The following TCF7L2 variants were observed in gnomAD, a reference collection of about 807,000 sequenced individuals.
TCF7L2 encodes transcription factor 7 like 2.
A neutral mutation model predicts 77.9 loss-of-function variants in TCF7L2; 23 were observed. The observed-to-expected ratio is 0.30, with a 90% CI of 0.21 to 0.42. TCF7L2 has a LOEUF of 0.42. Ranked by LOEUF, TCF7L2 falls within the 10% of genes least tolerant of loss-of-function variation. The probability of loss-of-function intolerance (pLI) is 1.00; values close to 1 mark genes in which losing one functional copy is unlikely to be tolerated. For missense variants in TCF7L2, 654 were observed against 793.1 expected, an observed-to-expected ratio of 0.82 and a Z score of 2.11; for synonymous variants, 413 against 340.2, an observed-to-expected ratio of 1.21 and a Z score of -2.36.
At chr10:113,015,414 A>ATCC (rs2047164666) in intron 4 of TCF7L2, among the ~76,000 whole-genome samples, 1 of 144,136 alleles carries the variant, frequency 6.9e-6, no homozygotes, top group East Asian at 2.1e-4. Context: ...GCCAGGTGTG[A>ATCC]TCCTCCTGCT....
chr10:112,995,237 T>G (rs2043253275), intron 4 of TCF7L2, among the ~76,000 whole-genome samples: 1 of 152,186 alleles, frequency 6.6e-6, no homozygotes, highest in Non-Finnish European at 1.5e-5. Context: ...GATGATTGAC[T>G]TGGGACTGGG....
In TCF7L2 at chr10:113,130,129, T is replaced by C. The variant is rs2066346739; in HGVS notation, c.553-11055T>C. 1.2e-5 allele frequency: 8 copies of C among 688,540 alleles called. No homozygotes were observed. In the South Asian group the frequency reaches 2.1e-4, roughly 18 times the overall value. 42.7% of individuals were successfully genotyped at this position (688,540 alleles called of 1,614,324 possible). A position where few individuals can be genotyped will look rare whatever the true frequency, so the allele number is the denominator to read the frequency against. On this transcript the variant is annotated intron_variant, in intron 5 of 13. Coordinates refer to ENST00000627217, the MANE Select transcript of TCF7L2 (RefSeq NM_001146274.2). ...AAGGAAAAAACAAAACAAGAATAAATGGTCAACTCAAGCTATGCCCTTTCT... is the reference window on the plus strand; with the variant it reads ...AAGGAAAAAACAAAACAAGAATAAACGGTCAACTCAAGCTATGCCCTTTCT...
Position 113,166,175 on chromosome 10 carries a change from GAGA to G in TCF7L2, c.*208_*210del. The G allele has an allele frequency of 4.4e-6, 2 of 456,774 alleles. No homozygotes were observed. The highest frequency in any genetic ancestry group is 7.1e-6 in the Non-Finnish European group (2 of 279,982). 28.3% of individuals were successfully genotyped at this position (456,774 alleles called of 1,614,324 possible). ...TTTCTCCTTTTAAATATGTAGATGA[GAGA>G]AGAACCTCATGATTCTACCAAAATT... On this transcript the variant is annotated 3_prime_UTR_variant, in exon 14 of 14. Transcript: ENST00000627217.
intron 5 of TCF7L2, chr10:113,129,483 G>C: frequency 9.8e-7 from 1 of 1,018,918 alleles, no homozygotes; most frequent in Non-Finnish European, 1.2e-6. Flanking sequence ...AAAGTAGAAG[G>C]AGTTTTTAAA....
At chr10:112,999,575 T>C (rs1323753374) in intron 4 of TCF7L2, among the ~76,000 whole-genome samples, 1 of 152,230 alleles carries the variant, frequency 6.6e-6, no homozygotes, top group Non-Finnish European at 1.5e-5. Context: ...CACAGGTTGA[T>C]AGCGTTGCTG....
At chr10:112,998,608 G>A (rs573166875) in intron 4 of TCF7L2, among the ~76,000 whole-genome samples, 2 of 152,102 alleles carry the variant, frequency 1.3e-5, no homozygotes, top group African/African-American at 2.4e-5. Context: ...TTTAATTGCC[G>A]TATGAGGCAC....
At chr10:112,953,250 T>C (rs759757571) in intron 3 of TCF7L2, among the ~76,000 whole-genome samples, 4 of 151,410 alleles carry the variant, frequency 2.6e-5, no homozygotes, top group East Asian at 1.9e-4. Context: ...AAATAATTAT[T>C]CCCCCCCTGC....
chr10:113,143,804 C>T, intron 6 of TCF7L2, 119 bp from the exon 7 acceptor site: 1 of 678,874 alleles, frequency 1.5e-6, no homozygotes, highest in Non-Finnish European at 2.5e-6. Flanking sequence ...ATGAATGAAC[C>T]TTGTGCTAGG....
chr10:112,954,434 G>T (rs2032946954), intron 3 of TCF7L2, among the ~76,000 whole-genome samples: 1 of 152,106 alleles, frequency 6.6e-6, no homozygotes, highest in African/African-American at 2.4e-5. Context: ...CAAGAATAAT[G>T]CTTTAATTGC....
At chr10:113,003,161 T>G (rs1007394693) in intron 4 of TCF7L2, among the ~76,000 whole-genome samples, 12 of 152,218 alleles carry the variant, frequency 7.9e-5, no homozygotes, top group Non-Finnish European at 1.6e-4. Context: ...TCTTCCACAT[T>G]GGATATGCAA....
chr10:113,088,288 A>G (rs547867644), intron 5 of TCF7L2, among the ~76,000 whole-genome samples: 12 of 152,240 alleles, frequency 7.9e-5, no homozygotes, highest in African/African-American at 2.4e-4. Context: ...TACAGCAGGC[A>G]CCTGCATGAG....
chr10:113,007,049 T>C (rs1387392663), intron 4 of TCF7L2, among the ~76,000 whole-genome samples: 1 of 152,384 alleles, frequency 6.6e-6, no homozygotes, highest in African/African-American at 2.4e-5. Flanking sequence ...CCCTTCAGCA[T>C]TGGCATCTCT....
In TCF7L2 at chr10:113,090,649, TGCCCAGGCCAGA is replaced by T. The variant is rs1339574929; in HGVS notation, c.552+50525_553-50522del. Among the ~76,000 whole-genome samples the T allele has an allele frequency of 3.3e-5, 5 of 152,338 alleles. No homozygotes were observed. In the South Asian group the frequency reaches 8.3e-4, roughly 25 times the overall value. Reference sequence around the variant, plus strand: ...TTTTTGAGATAGAGTCTCGCTCTGTTGCCCAGGCCAGAGTGCAGTGGCGCAATCTCAGCTCAC... The same window carrying T: ...TTTTTGAGATAGAGTCTCGCTCTGTTGTGCAGTGGCGCAATCTCAGCTCAC... On this transcript the variant is annotated intron_variant, in intron 5 of 13. Transcript: ENST00000627217.
intron 4 of TCF7L2, among the ~76,000 whole-genome samples, chr10:112,968,957 A>G (rs1207083784): frequency 1.3e-5 from 2 of 151,842 alleles, no homozygotes; most frequent in African/African-American, 2.4e-5. Flanking sequence ...CAGCGCTTCT[A>G]TTGTGGTTTG....
chr10:113,042,573 G>A (rs563408659), intron 5 of TCF7L2, among the ~76,000 whole-genome samples: 1 of 152,136 alleles, frequency 6.6e-6, no homozygotes, highest in South Asian at 2.1e-4. Flanking sequence ...CCTGTGATGG[G>A]GTATTTCTGC....
intron 5 of TCF7L2, among the ~76,000 whole-genome samples, chr10:113,128,358 A>AT (rs1004003016): frequency 2.6e-5 from 4 of 152,014 alleles, no homozygotes; most frequent in Non-Finnish European, 5.9e-5. Context: ...GTTTTTGTTG[A>AT]TTTTTTTGGT....
At chr10:113,062,587 T>C (rs1297357454) in intron 5 of TCF7L2, among the ~76,000 whole-genome samples, 1 of 152,020 alleles carries the variant, frequency 6.6e-6, no homozygotes, top group African/African-American at 2.4e-5. Flanking sequence ...ACACACCACC[T>C]TTTGGGGATA....
intron 4 of TCF7L2, among the ~76,000 whole-genome samples, chr10:112,998,610 A>G (rs527882724): frequency 2.6e-4 from 40 of 152,326 alleles, no homozygotes; most frequent in Admixed American, 7.8e-4. Flanking sequence ...TAATTGCCGT[A>G]TGAGGCACCC....
chr10:112,951,082 G>A, intron 1 of TCF7L2, 125 bp from the exon 2 acceptor site: 2 of 1,321,444 alleles, frequency 1.5e-6, no homozygotes, highest in Non-Finnish European at 2.1e-6. Context: ...TGCCACCATT[G>A]CAAAAACTTG....
Sources: allele counts gnomAD v4.1 joint callset (sites outside exome capture counted in the v4.1 genomes callset), GRCh38; gene constraint gnomAD v4.1.1; transcripts MANE v1.5; gene names NCBI Gene and HGNC (gene_info 2026-07-23, HGNC 2026-07-21).